Variants in ROBO1 observed in about 807,000 individuals in gnomAD.
ROBO1 encodes roundabout guidance receptor 1, also known as roundabout homolog 1.
Under a neutral mutation model 195.9 loss-of-function variants are expected in ROBO1, and 149 were observed. The ratio of observed to expected loss-of-function variants is 0.76; its 90% confidence interval spans 0.67 to 0.87. The LOEUF (loss-of-function observed/expected upper bound fraction) is 0.87, where lower values mean the gene tolerates loss of function less well. ROBO1 is among the 40% of genes least tolerant of loss of function. ROBO1 has a pLI of 0.00. For missense variants in ROBO1, 1,933 were observed against 2,068.3 expected, an observed-to-expected ratio of 0.93 and a Z score of 1.27; for synonymous variants, 816 against 733.2, an observed-to-expected ratio of 1.11 and a Z score of -1.82.
At position 78,639,881 on chromosome 3, in the gene ROBO1, A is replaced by T. The variant is rs1167645958; in HGVS notation, c.2900T>A (p.Ile967Asn). 6.2e-7 allele frequency: 1 copy of T among 1,603,048 alleles called. No homozygotes were observed. Among genetic ancestry groups the T allele is most frequent in the Non-Finnish European group, 8.5e-7 (1 of 1,173,438 alleles). ...CCATGGCTGCGCGGCAGGTTCACTG[A>T]TGTTGAGAAGTCCAGGCCTAAATAA... ...SSGGRPGLLN[I>N]SEPAAQPWLA... The change falls in exon 22 of 31, where the codon ATC becomes AAC. Residue 967 changes from isoleucine to asparagine, a missense_variant. Ile to Asn is a moderately radical substitution (Grantham distance 149). Around this residue, in one of 3 missense-constraint regions of ROBO1, gnomAD observed 1,737 missense variants for 1,882.5 expected, o/e 0.92. Coordinates refer to ENST00000464233, the MANE Select transcript of ROBO1 (RefSeq NM_002941.4).
intron 2 of ROBO1, among the ~76,000 whole-genome samples, chr3:79,203,673 G>T (rs895228392): frequency 6.6e-6 from 1 of 152,132 alleles, no homozygotes; most frequent in South Asian, 2.1e-4. Flanking sequence ...AGTGTATATG[G>T]TGAACAATTT....
At chr3:78,670,611 G>A (rs1406348579) in intron 10 of ROBO1, 1 of 242,310 alleles carries the variant, frequency 4.1e-6, no homozygotes, top group African/African-American at 2.2e-5. Context: ...CGTGATCATG[G>A]AATACTGTAC....
intron 3 of ROBO1, among the ~76,000 whole-genome samples, chr3:79,123,232 C>T (rs1224202123): frequency 6.6e-6 from 1 of 151,936 alleles, no homozygotes; most frequent in Non-Finnish European, 1.5e-5. Flanking sequence ...GATAGGCCAT[C>T]TCACTTTCCT....
chr3:79,369,869 A>C (rs1377383535), intron 2 of ROBO1, among the ~76,000 whole-genome samples: 1 of 152,176 alleles, frequency 6.6e-6, no homozygotes, highest in African/African-American at 2.4e-5. Context: ...GCAGTTCTAA[A>C]ACTTTTGCAA....
chr3:78,799,496 C>T (rs1432944786), intron 4 of ROBO1, among the ~76,000 whole-genome samples: 2 of 152,008 alleles, frequency 1.3e-5, no homozygotes, highest in Non-Finnish European at 2.9e-5. Context: ...CGCCCACCAC[C>T]ATGCCCGGCT....
At chr3:79,760,497 C>CAAAAAAAA (rs71631676) in intron 1 of ROBO1, among the ~76,000 whole-genome samples, 2 of 114,850 alleles carry the variant, frequency 1.7e-5, no homozygotes, top group African/African-American at 3.3e-5. Context: ...AATGCAATAC[C>CAAAAAAAA]AAAAAAAAAA....
chr3:79,464,296 A>G (rs1441832077), intron 2 of ROBO1, among the ~76,000 whole-genome samples: 5 of 152,218 alleles, frequency 3.3e-5, no homozygotes, highest in Non-Finnish European at 7.3e-5. Context: ...TAGGAGTGGA[A>G]TTACTGGGTC....
intron 1 of ROBO1, among the ~76,000 whole-genome samples, chr3:79,714,948 T>A (rs1488938391): frequency 6.6e-6 from 1 of 151,576 alleles, no homozygotes; most frequent in Non-Finnish European, 1.5e-5. Context: ...TGTATACATA[T>A]GTAACTAACC....
At chr3:78,866,469 A>G (rs939935657) in intron 4 of ROBO1, among the ~76,000 whole-genome samples, 9 of 152,216 alleles carry the variant, frequency 5.9e-5, no homozygotes, top group Non-Finnish European at 1.2e-4. Flanking sequence ...CCAAATTTAT[A>G]GACTATAGAA....
At chr3:79,747,849 A>C (rs1347742792) in intron 1 of ROBO1, among the ~76,000 whole-genome samples, 1 of 152,058 alleles carries the variant, frequency 6.6e-6, no homozygotes, top group Non-Finnish European at 1.5e-5. Context: ...TGGAGATAGG[A>C]TAAATGATCA....
At chr3:79,172,631 T>C (rs1402354520) in intron 2 of ROBO1, among the ~76,000 whole-genome samples, 2 of 152,188 alleles carry the variant, frequency 1.3e-5, no homozygotes, top group Admixed American at 1.3e-4. Flanking sequence ...TTTCCAATTA[T>C]ATGTGTGTAT....
At chr3:79,278,507 A>T (rs1354524383) in intron 2 of ROBO1, among the ~76,000 whole-genome samples, 1 of 152,222 alleles carries the variant, frequency 6.6e-6, no homozygotes, top group Non-Finnish European at 1.5e-5. Context: ...GACCAATGGA[A>T]CCGGTTAGAG....
chr3:79,622,332 C>A (rs1945033246), intron 1 of ROBO1, among the ~76,000 whole-genome samples: 1 of 152,190 alleles, frequency 6.6e-6, no homozygotes, highest in Non-Finnish European at 1.5e-5. Flanking sequence ...GAAGGGGCGA[C>A]CAGCACCCCA....
chr3:79,248,353 G>T (rs1218841205), intron 2 of ROBO1, among the ~76,000 whole-genome samples: 1 of 129,096 alleles, frequency 7.7e-6, no homozygotes, highest in African/African-American at 3.1e-5. Context: ...AATAGATAAG[G>T]TCCTAGATGG....
intron 4 of ROBO1, among the ~76,000 whole-genome samples, chr3:78,915,535 C>T (rs1477752232): frequency 6.6e-6 from 1 of 152,136 alleles, no homozygotes; most frequent in African/African-American, 2.4e-5. Flanking sequence ...AGCTTTTCCT[C>T]TTACCACTTT....
At chr3:78,983,032 C>G (rs1193482669) in intron 3 of ROBO1, among the ~76,000 whole-genome samples, 1 of 152,074 alleles carries the variant, frequency 6.6e-6, no homozygotes, top group Non-Finnish European at 1.5e-5. Flanking sequence ...CTCAGCCTCC[C>G]AAGTAGCTGG....
At chr3:78,822,425 T>C (rs1242025947) in intron 4 of ROBO1, among the ~76,000 whole-genome samples, 1 of 152,042 alleles carries the variant, frequency 6.6e-6, no homozygotes, top group Non-Finnish European at 1.5e-5. Flanking sequence ...GAACACAAAA[T>C]CTATATTAGG....
chr3:78,917,008 C>T (rs1280260540), intron 4 of ROBO1, among the ~76,000 whole-genome samples: 1 of 151,628 alleles, frequency 6.6e-6, no homozygotes, highest in Non-Finnish European at 1.5e-5. Context: ...TAAAATATTT[C>T]ATTATGAGCT....
intron 2 of ROBO1, among the ~76,000 whole-genome samples, chr3:79,486,130 T>G (rs115601184): frequency 2.1e-3 from 323 of 152,310 alleles, no homozygotes; most frequent in African/African-American, 7.3e-3. Flanking sequence ...CCTTAAAGAT[T>G]CAATAAAAGC....
Sources: gnomAD v4.1 joint callset for allele counts (sites outside exome capture counted in the v4.1 genomes callset) on GRCh38, gnomAD v4.1.1 for gene constraint, gnomAD v4.1.1 regional missense constraint, MANE v1.5 for transcripts, NCBI Gene and HGNC (gene_info 2026-07-23, HGNC 2026-07-21) for gene names.